Variants in LRRC4C observed in about 807,000 individuals in gnomAD.
The protein encoded by LRRC4C is leucine-rich repeat-containing protein 4C.
Under a neutral mutation model 33.6 loss-of-function variants are expected in LRRC4C, and 5 were observed. The ratio of observed to expected loss-of-function variants is 0.15; its 90% CI spans 0.08 to 0.31. The LOEUF (loss-of-function observed/expected upper bound fraction) is 0.31, where lower values mean the gene tolerates loss of function less well. LRRC4C is among the 10% of genes least tolerant of loss of function. The pLI is 1.00. For synonymous variants in LRRC4C, 329 were observed against 302.0 expected (o/e 1.09, Z -0.93); for missense variants, 560 against 796.7 (o/e 0.70, Z 3.58).
intron 1 of LRRC4C, among the ~76,000 whole-genome samples, chr11:41,441,817 A>G (rs1343595527): frequency 6.6e-6 from 1 of 152,144 alleles, no homozygotes; most frequent in Non-Finnish European, 1.5e-5. Context: ...TAAATGAGAA[A>G]AATGAACTCC....
intron 3 of LRRC4C, among the ~76,000 whole-genome samples, chr11:40,471,203 A>G (rs1039781356): frequency 4.6e-5 from 7 of 152,346 alleles, no homozygotes; most frequent in South Asian, 2.1e-4. Context: ...AAAACCCTAC[A>G]AGCCAGAATA....
intron 4 of LRRC4C, among the ~76,000 whole-genome samples, chr11:40,250,179 G>T (rs773393352): frequency 9.2e-5 from 14 of 152,036 alleles, no homozygotes; most frequent in Non-Finnish European, 2.1e-4. Flanking sequence ...TGGCACAAAA[G>T]ACCCCATGAC....
At chr11:41,077,065 G>A (rs1445540055) in intron 1 of LRRC4C, among the ~76,000 whole-genome samples, 1 of 152,216 alleles carries the variant, frequency 6.6e-6, no homozygotes, top group African/African-American at 2.4e-5. Flanking sequence ...GTTATGCAAG[G>A]GGTGGGCTCA....
At chr11:40,539,787 A>T (rs1956628718) in intron 3 of LRRC4C, among the ~76,000 whole-genome samples, 1 of 152,180 alleles carries the variant, frequency 6.6e-6, no homozygotes, top group African/African-American at 2.4e-5. Flanking sequence ...ATGAAGACTG[A>T]TGATAAACAG....
chr11:40,671,288 C>G (rs1944092834), intron 2 of LRRC4C, among the ~76,000 whole-genome samples: 1 of 152,056 alleles, frequency 6.6e-6, no homozygotes, highest in African/African-American at 2.4e-5. Flanking sequence ...AAATGCATTA[C>G]TGGTCTTTGA....
At chr11:40,386,225 A>C (rs1232119634) in intron 3 of LRRC4C, among the ~76,000 whole-genome samples, 2 of 152,200 alleles carry the variant, frequency 1.3e-5, no homozygotes, top group African/African-American at 2.4e-5. Context: ...ATGTCCAAAC[A>C]GTTCCTAAAA....
intron 1 of LRRC4C, among the ~76,000 whole-genome samples, chr11:41,046,432 T>G (rs568680785): frequency 1.3e-5 from 2 of 152,124 alleles, no homozygotes; most frequent in Non-Finnish European, 2.9e-5. Context: ...ACCACAGATG[T>G]GCTATGTGGC....
chr11:40,811,540 C>A (rs943712014), intron 2 of LRRC4C, among the ~76,000 whole-genome samples: 2 of 152,110 alleles, frequency 1.3e-5, no homozygotes, highest in South Asian at 4.1e-4. Context: ...CTCTGTCAGC[C>A]AGACTAGAGT....
At chr11:41,044,806 A>T (rs912274605) in intron 1 of LRRC4C, among the ~76,000 whole-genome samples, 4 of 152,132 alleles carry the variant, frequency 2.6e-5, no homozygotes, top group East Asian at 3.9e-4. Flanking sequence ...TAAATTTTAC[A>T]TTATTTAGTA....
At chr11:41,152,465 G>C (rs937652187) in intron 1 of LRRC4C, among the ~76,000 whole-genome samples, 1 of 152,148 alleles carries the variant, frequency 6.6e-6, no homozygotes, top group East Asian at 1.9e-4. Flanking sequence ...ACAGTGCAAT[G>C]AAAGAGATTC....
At chr11:41,033,695 T>G (rs1856858800) in intron 1 of LRRC4C, among the ~76,000 whole-genome samples, 1 of 152,070 alleles carries the variant, frequency 6.6e-6, no homozygotes, top group Non-Finnish European at 1.5e-5. Flanking sequence ...CACTTATTTT[T>G]AGGGCATTTC....
intron 1 of LRRC4C, among the ~76,000 whole-genome samples, chr11:41,400,547 A>G (rs762079046): frequency 3.3e-5 from 5 of 149,758 alleles, no homozygotes; most frequent in Non-Finnish European, 5.9e-5. Flanking sequence ...AGAAGACTTC[A>G]GGGAAACATT....
chr11:40,407,359 C>T (rs1031179655), intron 3 of LRRC4C, among the ~76,000 whole-genome samples: 3 of 152,060 alleles, frequency 2.0e-5, no homozygotes, highest in East Asian at 1.9e-4. Flanking sequence ...ATTTTTCTCC[C>T]TTTTGCCCTT....
chr11:40,181,157 T>C (rs1860967377), intron 5 of LRRC4C, among the ~76,000 whole-genome samples: 1 of 152,168 alleles, frequency 6.6e-6, no homozygotes, highest in Non-Finnish European at 1.5e-5. Context: ...CCAGGAAGGA[T>C]GAAAATAAGA....
rs77091189 is a variant in LRRC4C at position 40,197,703 on chromosome 11, T to C, written c.-96+43816A>G. On this transcript the variant is annotated intron_variant, in intron 5 of 6. Coordinates refer to ENST00000528697, the MANE Select transcript of LRRC4C (RefSeq NM_001258419.2). ...TCTGATTTCTAACAAGAACTGATAA[T>C]AGCAATCACTTTGTTTCATATAATC... 8.3e-4 allele frequency among the ~76,000 whole-genome samples: 127 copies of C among 152,322 alleles called. 4 individuals are homozygous for C. The East Asian group carries it at 0.022, about 26-fold the overall frequency.
intron 6 of LRRC4C, among the ~76,000 whole-genome samples, chr11:40,127,410 A>G (rs1314057333): frequency 1.3e-5 from 2 of 152,106 alleles, no homozygotes; most frequent in Non-Finnish European, 2.9e-5. Flanking sequence ...AGGAGCACAA[A>G]ATAATAAGAA....
intron 2 of LRRC4C, among the ~76,000 whole-genome samples, chr11:40,754,903 G>A (rs925167166): frequency 1.3e-5 from 2 of 151,778 alleles, no homozygotes; most frequent in Non-Finnish European, 2.9e-5. Context: ...CATTTTTGTG[G>A]TATATAGGTC....
intron 1 of LRRC4C, among the ~76,000 whole-genome samples, chr11:41,232,409 C>T (rs1372184002): frequency 6.6e-6 from 1 of 151,962 alleles, no homozygotes; most frequent in African/African-American, 2.4e-5. Context: ...ACTTGTTTCC[C>T]ATCAGACATA....
intron 3 of LRRC4C, among the ~76,000 whole-genome samples, chr11:40,585,287 C>T (rs184807928): frequency 1.3e-5 from 2 of 152,236 alleles, no homozygotes; most frequent in Admixed American, 6.5e-5. Flanking sequence ...CCCTACATCA[C>T]TCTGGCATCT....
Sources: allele counts gnomAD v4.1 joint callset (sites outside exome capture counted in the v4.1 genomes callset), GRCh38; gene constraint gnomAD v4.1.1; transcripts MANE v1.5; gene names NCBI Gene and HGNC (gene_info 2026-07-23, HGNC 2026-07-21).